Variants in AGPS observed in about 807,000 individuals in gnomAD.
AGPS encodes alkylglycerone phosphate synthase.
A neutral mutation model predicts 90.7 loss-of-function variants in AGPS; 26 were observed. The ratio of observed to expected loss-of-function variants is 0.29; its 90% CI spans 0.21 to 0.40. AGPS has a LOEUF of 0.40. AGPS is among the 10% of genes least tolerant of loss of function. The pLI is 1.00. For synonymous variants in AGPS, 294 were observed against 285.3 expected (o/e 1.03, Z -0.31); for missense variants, 540 against 816.1 (o/e 0.66, Z 4.12).
At chr2:177,504,357 A>G (rs1688648766) in intron 14 of AGPS, among the ~76,000 whole-genome samples, 1 of 152,054 alleles carries the variant, frequency 6.6e-6, no homozygotes, top group South Asian at 2.1e-4. Flanking sequence ...CCAACTCAGA[A>G]TTGTGTTTTA....
In AGPS at chr2:177,436,748, C is replaced by G. The variant is rs755410191; in HGVS notation, c.442-16C>G. On this transcript the variant is annotated splice_polypyrimidine_tract_variant and intron_variant, in intron 3 of 19. Coordinates refer to ENST00000264167, the MANE Select transcript of AGPS (RefSeq NM_003659.4). ...TTGTCTAAAAATAAGTCAAAGAAATCAATTTTATTTTCTAGGCATCCTTAA... is the reference window on the plus strand; with the variant it reads ...TTGTCTAAAAATAAGTCAAAGAAATGAATTTTATTTTCTAGGCATCCTTAA... The G allele has an allele frequency of 1.4e-5, 22 of 1,609,118 alleles. No individual in the cohort carries two copies. The highest frequency in any genetic ancestry group is 2.2e-5 in the South Asian group (2 of 90,660).
chr2:177,438,587 C>T (rs752604269), intron 5 of AGPS, among the ~76,000 whole-genome samples: 12 of 152,070 alleles, frequency 7.9e-5, no homozygotes, highest in Non-Finnish European at 1.3e-4. Context: ...CAAATCAGTT[C>T]CTTCTCAGTG....
At chr2:177,418,730 G>A (rs1487840273) in intron 1 of AGPS, among the ~76,000 whole-genome samples, 6 of 151,156 alleles carry the variant, frequency 4.0e-5, no homozygotes, top group African/African-American at 1.2e-4. Flanking sequence ...AAAAAGCAAA[G>A]TGGAAAATAT....
In AGPS at chr2:177,457,969, C is replaced by A. The variant is rs373032025; in HGVS notation, c.871-3924C>A. Among the ~76,000 whole-genome samples, 69 of 152,272 alleles carry A rather than the reference C, an allele frequency of 4.5e-4. No homozygotes were observed. In the South Asian group the frequency reaches 0.013, roughly 28 times the overall value. On this transcript the variant is annotated intron_variant, in intron 8 of 19. Coordinates refer to ENST00000264167, the MANE Select transcript of AGPS (RefSeq NM_003659.4). Reference sequence around the variant, plus strand: ...CTGGCAAACCGAACGAATCCAGCAGCACATCAAAAAGCTTATCCACCACAA... The same window carrying A: ...CTGGCAAACCGAACGAATCCAGCAGAACATCAAAAAGCTTATCCACCACAA...
In AGPS at chr2:177,503,808, T is replaced by C. The variant is rs140763254; in HGVS notation, c.1476-1698T>C. The stretch of plus-strand genomic sequence containing the variant: ...CCAGACTGACTCTACTTCTTTGGGC[T>C]TATGAATTTAGAAAGGACATCCAAT... On this transcript the variant is annotated intron_variant, in intron 14 of 19. Coordinates refer to ENST00000264167, the MANE Select transcript of AGPS (RefSeq NM_003659.4). 4.9e-3 allele frequency among the ~76,000 whole-genome samples: 742 copies of C among 152,298 alleles called. 5 individuals are homozygous for C. The highest frequency in any genetic ancestry group is 0.017 in the African/African-American group (705 of 41,558).
At chr2:177,448,247 A>G (rs1469252038) in intron 8 of AGPS, among the ~76,000 whole-genome samples, 9 of 152,200 alleles carry the variant, frequency 5.9e-5, no homozygotes, top group African/African-American at 1.9e-4. Flanking sequence ...TAAAGTGGGT[A>G]TCATAATTCC....
At chr2:177,496,507 C>CGTAT (rs1402918377) in intron 12 of AGPS, among the ~76,000 whole-genome samples, 1 of 152,078 alleles carries the variant, frequency 6.6e-6, no homozygotes, top group Non-Finnish European at 1.5e-5. Flanking sequence ...AATCCCCAAG[C>CGTAT]GTATCTCTTA....
At chr2:177,461,082 A>G (rs1304197160) in intron 8 of AGPS, among the ~76,000 whole-genome samples, 6 of 152,220 alleles carry the variant, frequency 3.9e-5, no homozygotes, top group African/African-American at 1.4e-4. Flanking sequence ...CTGGATGACT[A>G]TCAAAATGGT....
chr2:177,493,664 G>A (rs2105705979), intron 12 of AGPS, among the ~76,000 whole-genome samples: 1 of 152,294 alleles, frequency 6.6e-6, no homozygotes, highest in Non-Finnish European at 1.5e-5. Context: ...TGTTACATGA[G>A]ATAAAGTTGG....
At chr2:177,394,080 A>G (rs995125785) in intron 1 of AGPS, among the ~76,000 whole-genome samples, 1 of 152,226 alleles carries the variant, frequency 6.6e-6, no homozygotes, top group Admixed American at 6.5e-5. Flanking sequence ...ATTTGAAAGC[A>G]CATCAAATTG....
At chr2:177,530,134 T>G (rs2105740597) in intron 19 of AGPS, among the ~76,000 whole-genome samples, 1 of 152,320 alleles carries the variant, frequency 6.6e-6, no homozygotes, top group Admixed American at 6.5e-5. Context: ...GATCCATACA[T>G]TCAAGGGATA....
chr2:177,501,020 C>CTTAAAACA (rs1346194884), intron 14 of AGPS, among the ~76,000 whole-genome samples: 1 of 152,040 alleles, frequency 6.6e-6, no homozygotes, highest in Non-Finnish European at 1.5e-5. Context: ...GGACTGTTTT[C>CTTAAAACA]TTAAAACATA....
chr2:177,524,623 C>T (rs1246957655), intron 19 of AGPS, among the ~76,000 whole-genome samples: 1 of 151,778 alleles, frequency 6.6e-6, no homozygotes, highest in Non-Finnish European at 1.5e-5. Context: ...GCTCTGGACT[C>T]CTTATATCCT....
chr2:177,493,924 T>C (rs574925533), intron 12 of AGPS, among the ~76,000 whole-genome samples: 1 of 152,176 alleles, frequency 6.6e-6, no homozygotes, highest in East Asian at 1.9e-4. Flanking sequence ...TTTCAGAAAA[T>C]CAGTTTGCTA....
Position 177,393,098 on chromosome 2 carries a change from C to T in AGPS, c.260+49C>T, listed in dbSNP as rs1574333024. On this transcript the variant is annotated intron_variant, in intron 1 of 19. Coordinates refer to ENST00000264167, the MANE Select transcript of AGPS (RefSeq NM_003659.4). ...GTTAGCGTCGAGGGACCAGGCCGGG[C>T]CTGTGCTGCAGGAGGGCACAGGCGA... 4 of 1,550,026 alleles carry T rather than the reference C, an allele frequency of 2.6e-6. No individual in the cohort carries two copies. The highest frequency in any genetic ancestry group is 3.5e-6 in the Non-Finnish European group (4 of 1,146,646).
chr2:177,528,504 A>T (rs2079109285), intron 19 of AGPS, among the ~76,000 whole-genome samples: 1 of 151,938 alleles, frequency 6.6e-6, no homozygotes, highest in Non-Finnish European at 1.5e-5. Context: ...TCTTTTTATA[A>T]TGTTCTTTCT....
intron 10 of AGPS, among the ~76,000 whole-genome samples, chr2:177,476,643 G>C (rs1242117881): frequency 6.6e-6 from 1 of 152,094 alleles, no homozygotes; most frequent in Non-Finnish European, 1.5e-5. Context: ...ACATTCTTCT[G>C]TTGTTGGGTG....
intron 2 of AGPS, among the ~76,000 whole-genome samples, chr2:177,430,003 C>T (rs930694300): frequency 6.6e-6 from 1 of 152,174 alleles, no homozygotes; most frequent in Non-Finnish European, 1.5e-5. Flanking sequence ...GCTGAAATTC[C>T]CACAGGGAGT....
intron 10 of AGPS, among the ~76,000 whole-genome samples, chr2:177,471,490 C>A (rs1687623994): frequency 6.6e-6 from 1 of 152,008 alleles, no homozygotes; most frequent in South Asian, 2.1e-4. Flanking sequence ...AATAAATATT[C>A]AAGCATTTGA....
Sources: allele counts gnomAD v4.1 joint callset (sites outside exome capture counted in the v4.1 genomes callset), GRCh38; gene constraint gnomAD v4.1.1; transcripts MANE v1.5; gene names NCBI Gene and HGNC (gene_info 2026-07-23, HGNC 2026-07-21).